The following KCNK2 variants were observed in gnomAD, a reference collection of about 807,000 sequenced individuals.
The protein encoded by KCNK2 is potassium two pore domain channel subfamily K member 2.
Under a neutral mutation model 40.5 loss-of-function variants are expected in KCNK2, and 21 were observed. The ratio of observed to expected loss-of-function variants is 0.52; its 90% confidence interval spans 0.37 to 0.75. KCNK2 has a LOEUF of 0.75. Ranked by LOEUF, KCNK2 falls within the 30% of genes least tolerant of loss-of-function variation. The probability of loss-of-function intolerance (pLI) is 0.00; values close to 1 mark genes in which losing one functional copy is unlikely to be tolerated. For synonymous variants in KCNK2, 191 were observed against 202.2 expected, an observed-to-expected ratio of 0.94 and a Z score of 0.47; for missense variants, 399 against 531.6, an observed-to-expected ratio of 0.75 and a Z score of 2.45.
chr1:215,101,480 GA>G (rs1262318816), intron 2 of KCNK2, among the ~76,000 whole-genome samples: 5 of 151,932 alleles, frequency 3.3e-5, no homozygotes, highest in African/African-American at 1.2e-4. Context: ...TGTGTTCTAA[GA>G]CCCATAGAAG....
chr1:215,093,866 ATATAT>A (rs1229408437), intron 2 of KCNK2, among the ~76,000 whole-genome samples: 68 of 95,382 alleles, frequency 7.1e-4, no homozygotes, highest in East Asian at 4.4e-3. Context: ...ATATATAAAA[ATATAT>A]TATATATTAT....
chr1:215,128,408 C>T (rs1356059140), intron 3 of KCNK2, among the ~76,000 whole-genome samples: 2 of 152,222 alleles, frequency 1.3e-5, no homozygotes, highest in Non-Finnish European at 2.9e-5. Flanking sequence ...ATCTGTGCTA[C>T]TTCTGCTGCT....
Position 215,008,728 on chromosome 1 carries a change from T to G in KCNK2, c.34+2773T>G, listed in dbSNP as rs189312016. The stretch of plus-strand genomic sequence containing the variant: ...AGCTGTTTAAAGTAACCTAAATTCC[T>G]CCACTGTGCTCAATGCTATTCAAAG... On this transcript the variant is annotated intron_variant, in intron 1 of 6. Coordinates refer to the KCNK2 transcript ENST00000391895. Among the ~76,000 whole-genome samples the G allele has an allele frequency of 7.9e-5, 12 of 152,254 alleles. No individual in the cohort carries two copies. In the East Asian group the frequency reaches 2.3e-3, roughly 29 times the overall value.
At chr1:215,155,129 T>C (rs1662859824) in intron 3 of KCNK2, among the ~76,000 whole-genome samples, 1 of 152,198 alleles carries the variant, frequency 6.6e-6, no homozygotes, top group African/African-American at 2.4e-5. Flanking sequence ...TAATGTGAGA[T>C]AAAGACACAG....
In KCNK2 at chr1:215,234,992, G is replaced by A; in HGVS notation, c.1128G>A (p.Glu376=). ...SAELAGNHNQ[E]LTPCRRTLSV... ...AACTGGCTGGAAACCACAATCAGGA[G>A]CTGACTCCTTGTAGGAGGACCCTGT... The change falls in exon 7 of 7, where the codon GAG becomes GAA. Residue 376 remains glutamate (E), a synonymous_variant. Transcript: ENST00000444842. The A allele has an allele frequency of 6.2e-7, 1 of 1,614,052 alleles. No homozygotes were observed. The highest frequency in any genetic ancestry group is 8.5e-7 in the Non-Finnish European group (1 of 1,179,998).
chr1:215,179,457 T>C (rs192269093), intron 5 of KCNK2, among the ~76,000 whole-genome samples: 3 of 152,192 alleles, frequency 2.0e-5, no homozygotes, highest in Admixed American at 6.6e-5. Context: ...TTAGGTGTGA[T>C]GTTAGATCTT....
intron 6 of KCNK2, among the ~76,000 whole-genome samples, chr1:215,219,452 T>G (rs1452608420): frequency 6.6e-6 from 1 of 152,152 alleles, no homozygotes; most frequent in Non-Finnish European, 1.5e-5. Flanking sequence ...ATAACTATTA[T>G]GTATCTCCTT....
At chr1:215,070,590 A>G (rs1031836524) in intron 1 of KCNK2, among the ~76,000 whole-genome samples, 6 of 152,076 alleles carry the variant, frequency 3.9e-5, no homozygotes, top group Admixed American at 1.3e-4. Context: ...TCATAACACC[A>G]TCAGATTTTG....
At chr1:215,010,676 G>A (rs1486859225) in intron 1 of KCNK2, among the ~76,000 whole-genome samples, 1 of 152,170 alleles carries the variant, frequency 6.6e-6, no homozygotes, top group African/African-American at 2.4e-5. Context: ...GAATTGAACT[G>A]CAATGTGTAA....
intron 2 of KCNK2, among the ~76,000 whole-genome samples, chr1:215,091,063 G>A (rs952250880): frequency 6.6e-6 from 1 of 152,148 alleles, no homozygotes; most frequent in South Asian, 2.1e-4. Flanking sequence ...AGGTACAATA[G>A]CATTACCGTA....
intron 3 of KCNK2, among the ~76,000 whole-genome samples, chr1:215,163,824 T>C (rs767499535): frequency 1.2e-4 from 19 of 152,186 alleles, no homozygotes; most frequent in Non-Finnish European, 2.4e-4. Context: ...AATTTGTCAG[T>C]ATTTTATTGA....
intron 6 of KCNK2, among the ~76,000 whole-genome samples, chr1:215,213,232 G>T (rs1665816467): frequency 6.6e-6 from 1 of 152,076 alleles, no homozygotes; most frequent in Non-Finnish European, 1.5e-5. Context: ...GCAGGGTAAT[G>T]GTTTTTTGAA....
chr1:215,175,495 A>T (rs1663925119), intron 5 of KCNK2, among the ~76,000 whole-genome samples: 1 of 151,802 alleles, frequency 6.6e-6, no homozygotes, highest in South Asian at 2.1e-4. Flanking sequence ...TTTTTCTTAA[A>T]TAATTTCAAC....
chr1:215,192,554 A>C (rs1664709828), intron 5 of KCNK2, among the ~76,000 whole-genome samples: 1 of 152,224 alleles, frequency 6.6e-6, no homozygotes, highest in Non-Finnish European at 1.5e-5. Flanking sequence ...TATTTGGATG[A>C]AGATTTTTTC....
chr1:215,044,336 T>C (rs1454736032), intron 1 of KCNK2, among the ~76,000 whole-genome samples: 3 of 152,112 alleles, frequency 2.0e-5, no homozygotes, highest in South Asian at 4.1e-4. Flanking sequence ...AAGAAATCTG[T>C]TAATTTTTAT....
intron 1 of KCNK2, among the ~76,000 whole-genome samples, chr1:215,019,386 G>T (rs1282923926): frequency 6.6e-6 from 1 of 152,142 alleles, no homozygotes; most frequent in Non-Finnish European, 1.5e-5. Flanking sequence ...ATGTAAAAAG[G>T]AGTTATTCTC....
upstream of KCNK2, among the ~76,000 whole-genome samples, chr1:215,081,515 T>C (rs1477145306): frequency 6.6e-6 from 1 of 152,124 alleles, no homozygotes; most frequent in Non-Finnish European, 1.5e-5. Context: ...GTGCTGAATG[T>C]ATTCTGGAAT....
intron 2 of KCNK2, among the ~76,000 whole-genome samples, chr1:215,090,141 A>G (rs1294567512): frequency 6.6e-6 from 1 of 152,150 alleles, no homozygotes; most frequent in African/African-American, 2.4e-5. Flanking sequence ...AAATTTTAAG[A>G]GCCACGGATA....
chr1:215,145,859 C>A (rs1324748282), intron 3 of KCNK2, among the ~76,000 whole-genome samples: 1 of 152,038 alleles, frequency 6.6e-6, no homozygotes, highest in East Asian at 1.9e-4. Flanking sequence ...AGAAATAGTT[C>A]TCCATTTCCT....
Sources: allele counts gnomAD v4.1 joint callset (sites outside exome capture counted in the v4.1 genomes callset), GRCh38; gene constraint gnomAD v4.1.1; transcripts MANE v1.5; gene names NCBI Gene and HGNC (gene_info 2026-07-23, HGNC 2026-07-21).